Variants in E2F4 observed in about 807,000 individuals in gnomAD.
E2F4 encodes the protein E2F transcription factor 4, also known as transcription factor E2F4.
Under a neutral mutation model 44.5 loss-of-function variants are expected in E2F4, and 16 were observed. That is an observed-to-expected ratio of 0.36 (90% CI 0.24 to 0.55). E2F4 has a LOEUF of 0.55. E2F4 is among the 20% of genes least tolerant of loss of function. E2F4 has a pLI of 0.87. For missense variants in E2F4, 473 were observed against 522.1 expected, an observed-to-expected ratio of 0.91 and a Z score of 0.92; for synonymous variants, 242 against 207.2, an observed-to-expected ratio of 1.17 and a Z score of -1.44.
chr16:67,198,304 G>A lies in E2F4; in HGVS notation c.*181G>A, dbSNP rs952622715. On this transcript the variant is annotated 3_prime_UTR_variant, in exon 10 of 10. Transcript: ENST00000379378. ...CTCCTGTGCTGGCACTTCTGTGCTC[G>A]CAGAGCAGGGGAACAGGACTCAGCC... is the stretch of plus-strand genomic sequence containing the variant. 13 of 607,204 alleles carry A rather than the reference G, an allele frequency of 2.1e-5. No homozygotes were observed. Among genetic ancestry groups the A allele is most frequent in the African/African-American group, 7.4e-5 (4 of 54,050 alleles). 37.6% of individuals were successfully genotyped at this position (607,204 alleles called of 1,614,324 possible). A position where few individuals can be genotyped will look rare whatever the true frequency, so the allele number is the denominator to read the frequency against.
chr16:67,196,164 C>G (rs1420000038), intron 7 of E2F4, among the ~76,000 whole-genome samples, 158 bp downstream of exon 7: 1 of 152,164 alleles, frequency 6.6e-6, no homozygotes, highest in East Asian at 1.9e-4. Flanking sequence ...GGTGCCCCCT[C>G]TAGCACCCCA....
At chr16:67,197,509 G>C in intron 7 of E2F4, 90 bp from the exon 8 acceptor site, 1 of 1,329,230 alleles carries the variant, frequency 7.5e-7, no homozygotes, top group South Asian at 1.2e-5. Context: ...GAGCCTCAGG[G>C]TGGGTGGTAT....
intron 4 of E2F4, 85 bp from the exon 5 acceptor site, chr16:67,194,313 C>T (rs1341954460): frequency 1.4e-6 from 2 of 1,477,488 alleles, no homozygotes; most frequent in Admixed American, 1.8e-5. Context: ...ACCGTGATCT[C>T]CTGCCTTGCT....
intron 6 of E2F4, 108 bp downstream of exon 6, chr16:67,195,088 T>C: frequency 7.3e-7 from 1 of 1,377,792 alleles, no homozygotes; most frequent in Non-Finnish European, 9.8e-7. Context: ...GGATTGTCCT[T>C]TTCCTGACCA....
chr16:67,192,357 A>G lies in E2F4; in HGVS notation c.130A>G (p.Lys44Glu). The G allele has an allele frequency of 7.1e-7, 1 of 1,414,178 alleles. No individual in the cohort carries two copies. Among genetic ancestry groups the G allele is most frequent in the Non-Finnish European group, 9.2e-7 (1 of 1,082,042 alleles). The allele number at this position is 1,414,178 out of a possible 1,614,324, so 87.6% of individuals were successfully genotyped here. A position where few individuals can be genotyped will look rare whatever the true frequency, so the allele number is the denominator to read the frequency against. The change falls in exon 1 of 10, where the codon AAG becomes GAG. Residue 44 changes from lysine to glutamate, a missense_variant. Physicochemically the swap from Lys to Glu is moderately conservative, Grantham distance 56. Transcript: ENST00000379378. The stretch of plus-strand genomic sequence containing the variant: ...GGCCAAGGACGGCGTGCTTGACCTC[A>G]AGCTGGTGCGGCCTGGGCTAAGGGG... ...QEAKDGVLDL[K>E]LAADTLAVRQ...
chr16:67,196,638 C>G (rs554930868), intron 7 of E2F4, among the ~76,000 whole-genome samples: 39 of 152,314 alleles, frequency 2.6e-4, no homozygotes, highest in African/African-American at 8.9e-4. Context: ...GAATCCCCAG[C>G]CTCCGCCTGG....
rs2142214655 is a variant in E2F4, at chr16:67,197,854, C to T, written c.1082-13C>T. The T allele has an allele frequency of 6.2e-7, 1 of 1,614,016 alleles. No homozygotes were observed. Among genetic ancestry groups the T allele is most frequent in the Non-Finnish European group, 8.5e-7 (1 of 1,179,992 alleles). Reference sequence around the variant, plus strand: ...AGCTGGAATGTTAGTAACTGAGCTCCCTCCATTCCCAGAGTGCATGAGCTC... The same window carrying T: ...AGCTGGAATGTTAGTAACTGAGCTCTCTCCATTCCCAGAGTGCATGAGCTC... On this transcript the variant is annotated splice_polypyrimidine_tract_variant and intron_variant, in intron 8 of 9. Coordinates refer to ENST00000379378, the MANE Select transcript of E2F4 (RefSeq NM_001950.4).
At chr16:67,192,641 G>A (rs908156955) in intron 1 of E2F4, 120 bp from the exon 2 acceptor site, 20 of 1,050,522 alleles carry the variant, frequency 1.9e-5, no homozygotes, top group Non-Finnish European at 2.7e-5. Flanking sequence ...CTGAGCTGCA[G>A]TAGCGCCTGG....
At position 67,193,150 on chromosome 16, in the gene E2F4, A is replaced by C. The variant is rs776833894; in HGVS notation, c.387A>C (p.Thr129=). ...TGCAGCAGAGCATCCGGAACGTCAC[A>C]GAGGACGTGCAGAACAGCTGATATC... is the stretch of plus-strand genomic sequence containing the variant. The part of the protein sequence containing the change: ...VWVQQSIRNV[T]EDVQNSCLAY... Residue 129 remains threonine, a synonymous_variant, in exon 3 of 10, where the codon ACA becomes ACC. Coordinates refer to ENST00000379378, the MANE Select transcript of E2F4 (RefSeq NM_001950.4). 1.3e-6 allele frequency: 2 copies of C among 1,572,286 alleles called. No homozygotes were observed. Among genetic ancestry groups the C allele is most frequent in the South Asian group, 2.3e-5 (2 of 86,058 alleles).
At chr16:67,196,351 A>G (rs1272846952) in intron 7 of E2F4, among the ~76,000 whole-genome samples, 1 of 152,078 alleles carries the variant, frequency 6.6e-6, no homozygotes, top group Non-Finnish European at 1.5e-5. Context: ...GTCACCTTTC[A>G]GGTTGCAGCA....
At chr16:67,197,481 C>T (rs1567689058) in intron 7 of E2F4, 118 bp from the exon 8 acceptor site, 5 of 1,034,986 alleles carry the variant, frequency 4.8e-6, no homozygotes, top group African/African-American at 3.2e-5. Context: ...GCAGGACCTA[C>T]ATCTCCTTAG....
Position 67,192,631 on chromosome 16 carries a change from C to T in E2F4, c.136-130C>T, listed in dbSNP as rs1049690721. On this transcript the variant is annotated intron_variant, in intron 1 of 9. Transcript: ENST00000379378. ...CTGCCTATGGGACAGAGCTGCGGTC[C>T]TGAGCTGCAGTAGCGCCTGGGAGGC... 215 of 1,003,488 alleles carry T rather than the reference C, an allele frequency of 2.1e-4. 1 individual carries two copies. Among genetic ancestry groups the T allele is most frequent in the Admixed American group, 4.6e-5 (2 of 43,466 alleles). The allele number at this position is 1,003,488 out of a possible 1,614,324, so 62.2% of individuals were successfully genotyped here. A position where few individuals can be genotyped will look rare whatever the true frequency, so the allele number is the denominator to read the frequency against.
At position 67,197,734 on chromosome 16, in the gene E2F4, T is replaced by G. The variant is rs1243940688; in HGVS notation, c.1081+88T>G. On this transcript the variant is annotated intron_variant, in intron 8 of 9. Coordinates refer to ENST00000379378, the MANE Select transcript of E2F4 (RefSeq NM_001950.4). ...CTGTTTTCTTGCCCTTTTGAGGACCTTGTTGTGGCGCTTATGGTAACTGGG... is the reference window on the plus strand; with the variant it reads ...CTGTTTTCTTGCCCTTTTGAGGACCGTGTTGTGGCGCTTATGGTAACTGGG... 5.0e-6 allele frequency: 8 copies of G among 1,598,608 alleles called. No individual in the cohort carries two copies. The African/African-American group carries it at 1.1e-4, about 21-fold the overall frequency.
In E2F4 at chr16:67,194,842, A is replaced by G. The variant is rs200871588; in HGVS notation, c.670A>G (p.Thr224Ala). 104 of 1,613,912 alleles carry G rather than the reference A, an allele frequency of 6.4e-5. No individual in the cohort carries two copies. The highest frequency in any genetic ancestry group is 1.1e-4 in the South Asian group (10 of 91,080). ...GCTCCAGAGCCCATCTGCTGTTTCT[A>G]CACCTCCACCTCTGCCCAAGCCTGC... ...DLLQSPSAVS[T>A]PPPLPKPALA... Residue 224 changes from threonine (T) to alanine (A), a missense_variant, in exon 6 of 10, where the codon ACA (threonine) becomes GCA (alanine). Coordinates refer to ENST00000379378, the MANE Select transcript of E2F4 (RefSeq NM_001950.4).
rs748010501 is a variant in E2F4, at chr16:67,195,924, C to CAGCAGCAGT, written c.958_959insGTAGCAGCA (p.Ser317_Ser319dup). On this transcript the variant is annotated inframe_insertion, in exon 7 of 10. Coordinates refer to ENST00000379378, the MANE Select transcript of E2F4 (RefSeq NM_001950.4). ...GCAGCAGCAGCAGCAGCAGCAGCAGCAGCAGCAACAGTAACAGCAGCAGTT... is the reference window on the plus strand; with the variant it reads ...GCAGCAGCAGCAGCAGCAGCAGCAGCAGCAGCAGTAGCAGCAACAGTAACAGCAGCAGTT... 12 of 1,613,480 alleles carry CAGCAGCAGT rather than the reference C, an allele frequency of 7.4e-6. No individual in the cohort carries two copies. Among genetic ancestry groups the CAGCAGCAGT allele is most frequent in the Middle Eastern group, 1.6e-4 (1 of 6,084 alleles).
intron 9 of E2F4, 34 bp downstream of exon 9, chr16:67,197,945 G>T (rs1310790860): frequency 6.2e-7 from 1 of 1,614,040 alleles, no homozygotes; most frequent in Non-Finnish European, 8.5e-7. Flanking sequence ...GTGGGTGTGG[G>T]CAGGGGTTGG....
At chr16:67,192,565 T>A in intron 1 of E2F4, 196 bp from the exon 2 acceptor site, 1 of 979,164 alleles carries the variant, frequency 1.0e-6, no homozygotes, top group Non-Finnish European at 1.5e-6. Context: ...GGGCTGCAGG[T>A]GTTCGTCCTC....
chr16:67,192,510 A>AT, intron 1 of E2F4, 148 bp downstream of exon 1: 1 of 1,215,900 alleles, frequency 8.2e-7, no homozygotes, highest in Non-Finnish European at 1.1e-6. Context: ...GGGATGTTTC[A>AT]TTCATTCGGC....
At position 67,198,322 on chromosome 16, in the gene E2F4, A is replaced by C. The variant is rs1335515112; in HGVS notation, c.*199A>C. Reference sequence around the variant, plus strand: ...TGTGCTCGCAGAGCAGGGGAACAGGACTCAGCCCCCATCACCGTGGAGCCA... The same window carrying C: ...TGTGCTCGCAGAGCAGGGGAACAGGCCTCAGCCCCCATCACCGTGGAGCCA... On this transcript the variant is annotated 3_prime_UTR_variant, in exon 10 of 10. Coordinates refer to ENST00000379378, the MANE Select transcript of E2F4 (RefSeq NM_001950.4). 3 of 587,532 alleles carry C rather than the reference A, an allele frequency of 5.1e-6. No homozygotes were observed. Among genetic ancestry groups the C allele is most frequent in the Non-Finnish European group, 3.0e-6 (1 of 328,868 alleles). The allele number at this position is 587,532 out of a possible 1,614,324, so 36.4% of individuals were successfully genotyped here. A position where few individuals can be genotyped will look rare whatever the true frequency, so the allele number is the denominator to read the frequency against.
Sources: gnomAD v4.1 joint callset for allele counts (sites outside exome capture counted in the v4.1 genomes callset) on GRCh38, gnomAD v4.1.1 for gene constraint, MANE v1.5 for transcripts, NCBI Gene and HGNC (gene_info 2026-07-23, HGNC 2026-07-21) for gene names.